PACRG: variants seen among roughly 807,000 people sequenced by gnomAD.
The protein encoded by PACRG is parkin coregulated.
In PACRG, 29 loss-of-function variants were observed where a neutral mutation model predicts 29.7. The ratio of observed to expected loss-of-function variants is 0.98; its 90% CI spans 0.73 to 1.33. The LOEUF (loss-of-function observed/expected upper bound fraction) is 1.33. PACRG is among the 40% of genes most tolerant of loss of function. PACRG has a pLI of 0.00. For missense variants in PACRG, 279 were observed against 316.2 expected, an observed-to-expected ratio of 0.88 and a Z score of 0.89; for synonymous variants, 116 against 118.7, an observed-to-expected ratio of 0.98 and a Z score of 0.15.
intron 4 of PACRG, among the ~76,000 whole-genome samples, chr6:163,248,464 A>T (rs73601558): frequency 0.014 from 2,113 of 151,700 alleles, 41 homozygotes; most frequent in African/African-American, 0.048. Context: ...GTGCTACCAC[A>T]TTCCTCAATT....
intron 2 of PACRG, among the ~76,000 whole-genome samples, chr6:162,946,514 G>A (rs772009344): frequency 2.7e-4 from 41 of 152,004 alleles, no homozygotes; most frequent in Non-Finnish European, 5.4e-4. Flanking sequence ...TCCCAACAAA[G>A]CAAAGTTCTG....
intron 2 of PACRG, among the ~76,000 whole-genome samples, chr6:162,941,018 G>A (rs1176791285): frequency 2.7e-5 from 4 of 149,502 alleles, no homozygotes; most frequent in East Asian, 4.2e-4. Flanking sequence ...GTGTGTGCGC[G>A]TGTGTGTTTG....
intron 2 of PACRG, among the ~76,000 whole-genome samples, chr6:162,881,584 C>G (rs554679709): frequency 5.4e-4 from 82 of 152,104 alleles, no homozygotes; most frequent in Non-Finnish European, 1.1e-3. Context: ...ACTGGAGACC[C>G]GGGGGCACTC....
At chr6:163,279,060 G>A (rs1184736382) in intron 4 of PACRG, among the ~76,000 whole-genome samples, 1 of 152,138 alleles carries the variant, frequency 6.6e-6, no homozygotes, top group Non-Finnish European at 1.5e-5. Flanking sequence ...CCTTGGTTAG[G>A]TGTATTCCTA....
chr6:163,210,229 A>G (rs998577086), intron 4 of PACRG, among the ~76,000 whole-genome samples: 2 of 152,240 alleles, frequency 1.3e-5, no homozygotes, highest in African/African-American at 4.8e-5. Context: ...TCTTTAATGG[A>G]CTTTACCTGT....
At chr6:163,106,711 A>C (rs1265048587) in intron 4 of PACRG, among the ~76,000 whole-genome samples, 3 of 152,244 alleles carry the variant, frequency 2.0e-5, no homozygotes, top group African/African-American at 7.2e-5. Flanking sequence ...CCACTTGTAC[A>C]TGATGATGTA....
chr6:163,283,553 C>A (rs1364951600), intron 4 of PACRG, among the ~76,000 whole-genome samples: 1 of 152,102 alleles, frequency 6.6e-6, no homozygotes, highest in East Asian at 1.9e-4. Flanking sequence ...GTAATCCCAG[C>A]ACTTTGGGAG....
intron 4 of PACRG, among the ~76,000 whole-genome samples, chr6:163,133,265 A>C (rs189373185): frequency 1.3e-5 from 2 of 152,222 alleles, no homozygotes; most frequent in African/African-American, 4.8e-5. Flanking sequence ...ACTCAGTCAC[A>C]TGACCACACC....
chr6:162,868,775 A>AT (rs1227038691), intron 2 of PACRG, among the ~76,000 whole-genome samples: 1 of 152,176 alleles, frequency 6.6e-6, no homozygotes, highest in Non-Finnish European at 1.5e-5. Flanking sequence ...TAGATGGGGA[A>AT]TTGTTTGGGA....
At chr6:162,727,648 A>G, upstream of PACRG, 1 of 1,585,202 alleles carries the variant, frequency 6.3e-7, no homozygotes, top group Non-Finnish European at 8.6e-7. Flanking sequence ...TGTACCTGGC[A>G]GGTACCCACG....
intron 2 of PACRG, among the ~76,000 whole-genome samples, chr6:162,836,154 A>G (rs1156717493): frequency 1.3e-5 from 2 of 152,008 alleles, no homozygotes; most frequent in South Asian, 2.1e-4. Context: ...TCATACATTC[A>G]TTGTGCAGCA....
chr6:162,806,355 C>T (rs1343826510), intron 1 of PACRG, among the ~76,000 whole-genome samples: 3 of 151,614 alleles, frequency 2.0e-5, no homozygotes, highest in African/African-American at 4.8e-5. Flanking sequence ...TGATCCACCC[C>T]CACCTCAGGC....
intron 2 of PACRG, among the ~76,000 whole-genome samples, chr6:163,001,285 A>G (rs1299989814): frequency 2.0e-5 from 3 of 152,234 alleles, no homozygotes; most frequent in African/African-American, 7.2e-5. Context: ...CAATTCTCCA[A>G]AGAGCTTTTG....
chr6:163,216,666 C>T (rs1300023892), intron 4 of PACRG, among the ~76,000 whole-genome samples: 1 of 152,198 alleles, frequency 6.6e-6, no homozygotes, highest in South Asian at 2.1e-4. Flanking sequence ...CCCGTACACA[C>T]ATGCGTGTGC....
intron 3 of PACRG, among the ~76,000 whole-genome samples, chr6:163,075,017 T>A (rs1812416498): frequency 6.6e-6 from 1 of 151,562 alleles, no homozygotes; most frequent in African/African-American, 2.4e-5. Flanking sequence ...TATAACTAAA[T>A]TTAAAATGAG....
intron 2 of PACRG, among the ~76,000 whole-genome samples, chr6:163,006,005 T>C (rs1466229225): frequency 6.9e-6 from 1 of 145,362 alleles, no homozygotes; most frequent in African/African-American, 2.5e-5. Flanking sequence ...TGTATAACAT[T>C]TATATGTTAT....
Position 162,777,026 on chromosome 6 carries a change from CTAAAGAACTTAT to C in PACRG, c.157-37119_157-37108del, listed in dbSNP as rs1783701841. On this transcript the variant is annotated intron_variant, in intron 1 of 4. Transcript: ENST00000366888. The surrounding 1 kb of genome is among the most constrained non-coding windows in gnomAD (Gnocchi z 4.0). ...TGCACCTGAATCTCCGAAATCACCA[CTAAAGAACTTAT>C]TCATGTAACCAAACACCACCTGCTC... 6.6e-6 allele frequency among the ~76,000 whole-genome samples: 1 copy of C among 152,142 alleles called. No individual in the cohort carries two copies. The highest frequency in any genetic ancestry group is 6.5e-5 in the Admixed American group (1 of 15,286).
intron 2 of PACRG, among the ~76,000 whole-genome samples, chr6:162,933,485 A>G (rs2128108290): frequency 1.3e-5 from 2 of 151,984 alleles, no homozygotes; most frequent in Admixed American, 1.3e-4. Context: ...GTCTCTCTTT[A>G]GCTAATATTT....
chr6:163,130,524 C>T (rs1244981284), intron 4 of PACRG, among the ~76,000 whole-genome samples: 2 of 152,204 alleles, frequency 1.3e-5, no homozygotes, highest in Non-Finnish European at 2.9e-5. Flanking sequence ...CTTAGCCAGT[C>T]TTTGGAAGCA....
Sources: allele counts gnomAD v4.1 joint callset (sites outside exome capture counted in the v4.1 genomes callset), GRCh38; gene constraint gnomAD v4.1.1; non-coding constraint Gnocchi (gnomAD v3.1); transcripts MANE v1.5; gene names NCBI Gene and HGNC (gene_info 2026-07-23, HGNC 2026-07-21).